The following TRIQK variants were observed in gnomAD, a reference collection of about 807,000 sequenced individuals.
The protein encoded by TRIQK is triple QxxK/R motif containing.
Under a neutral mutation model 10.8 loss-of-function variants are expected in TRIQK, and 10 were observed. The observed-to-expected ratio is 0.92, with a 90% CI of 0.57 to 1.57. The LOEUF (loss-of-function observed/expected upper bound fraction) is 1.57, where lower values mean the gene tolerates loss of function less well. TRIQK is among the 40% of genes most tolerant of loss of function. TRIQK has a pLI of 0.00. For missense variants in TRIQK, 107 were observed against 97.7 expected, an observed-to-expected ratio of 1.09 and a Z score of -0.40; for synonymous variants, 33 against 33.7, an observed-to-expected ratio of 0.98 and a Z score of 0.07.
At chr8:93,010,987 C>T (rs1327825097) in intron 1 of TRIQK, among the ~76,000 whole-genome samples, 2 of 152,060 alleles carry the variant, frequency 1.3e-5, no homozygotes, top group African/African-American at 2.4e-5. Context: ...AAATTCCACA[C>T]GCACTTTGAA....
intron 1 of TRIQK, among the ~76,000 whole-genome samples, chr8:92,964,460 A>C (rs1324163468): frequency 1.6e-5 from 2 of 122,086 alleles, no homozygotes; most frequent in Non-Finnish European, 3.7e-5. Flanking sequence ...GTATATATAT[A>C]TATCTATATA....
At chr8:92,895,426 T>G (rs1305737356) in intron 3 of TRIQK, among the ~76,000 whole-genome samples, 3 of 152,078 alleles carry the variant, frequency 2.0e-5, no homozygotes, top group Non-Finnish European at 4.4e-5. Flanking sequence ...AGGGGCTGGA[T>G]GAATTTGAAA....
At chr8:92,895,933 G>A (rs1034404319) in intron 3 of TRIQK, among the ~76,000 whole-genome samples, 1 of 152,072 alleles carries the variant, frequency 6.6e-6, no homozygotes, top group Admixed American at 6.6e-5. Flanking sequence ...TAAAAAAAAA[G>A]TGTGCTGAGG....
intron 1 of TRIQK, among the ~76,000 whole-genome samples, chr8:93,005,181 C>G (rs1359224644): frequency 6.6e-6 from 1 of 152,222 alleles, no homozygotes; most frequent in Non-Finnish European, 1.5e-5. Context: ...CACATTTCCA[C>G]AGGCAGTACA....
chr8:92,933,451 T>C (rs563750667), intron 2 of TRIQK, among the ~76,000 whole-genome samples: 3 of 152,078 alleles, frequency 2.0e-5, no homozygotes, highest in South Asian at 4.2e-4. Flanking sequence ...CCCATAGAGG[T>C]CTATCACCTT....
At position 92,891,751 on chromosome 8, in the gene TRIQK, G is replaced by C. The variant is rs201313050; in HGVS notation, c.147+238C>G. On this transcript the variant is annotated intron_variant, in intron 4 of 4. Coordinates refer to ENST00000521988, the MANE Select transcript of TRIQK (RefSeq NM_001171797.2). ...ATAGTAGCTAGAGAGAAAATAAATT[G>C]CACCTTTAAGTATAACTGATTCTCT... 1.9e-4 allele frequency among the ~76,000 whole-genome samples: 29 copies of C among 151,944 alleles called. No individual in the cohort carries two copies. The East Asian group carries it at 4.5e-3, about 23-fold the overall frequency.
At chr8:92,949,711 G>C (rs541707099) in intron 2 of TRIQK, among the ~76,000 whole-genome samples, 1 of 90,398 alleles carries the variant, frequency 1.1e-5, no homozygotes, top group South Asian at 3.7e-4. Context: ...GAGAAAGGAA[G>C]GGAGGGAGGG....
intron 1 of TRIQK, among the ~76,000 whole-genome samples, chr8:93,004,814 A>G (rs1158184962): frequency 4.6e-5 from 7 of 152,232 alleles, no homozygotes; most frequent in African/African-American, 1.7e-4. Flanking sequence ...CCTCATTGCT[A>G]AAGCATAGCA....
At chr8:92,989,229 C>A (rs563324898) in intron 1 of TRIQK, among the ~76,000 whole-genome samples, 85 of 152,248 alleles carry the variant, frequency 5.6e-4, no homozygotes, top group African/African-American at 2.0e-3. Context: ...TAACACTAAA[C>A]CATAGAAGAA....
chr8:92,979,935 C>A (rs1251421123), intron 1 of TRIQK, among the ~76,000 whole-genome samples: 1 of 151,994 alleles, frequency 6.6e-6, no homozygotes, highest in Admixed American at 6.6e-5. Flanking sequence ...TTCCCTTTAA[C>A]TGTATATATC....
At chr8:92,888,732 C>T (rs1816608925) in intron 4 of TRIQK, among the ~76,000 whole-genome samples, 1 of 151,558 alleles carries the variant, frequency 6.6e-6, no homozygotes, top group Non-Finnish European at 1.5e-5. Flanking sequence ...CAAGCTGGCT[C>T]ATCCCAAGGG....
At chr8:92,991,391 G>T (rs1294568133) in intron 1 of TRIQK, among the ~76,000 whole-genome samples, 1 of 152,212 alleles carries the variant, frequency 6.6e-6, no homozygotes, top group Non-Finnish European at 1.5e-5. Flanking sequence ...CCAGTACAGT[G>T]CTTGAGCTCT....
intron 2 of TRIQK, among the ~76,000 whole-genome samples, chr8:92,952,257 C>G (rs1811949240): frequency 6.6e-6 from 1 of 151,928 alleles, no homozygotes; most frequent in African/African-American, 2.4e-5. Flanking sequence ...ACATGGAAAT[C>G]TTAAGAAGGA....
intron 2 of TRIQK, among the ~76,000 whole-genome samples, chr8:92,947,789 A>T (rs566170920): frequency 6.6e-6 from 1 of 152,240 alleles, no homozygotes; most frequent in South Asian, 2.1e-4. Flanking sequence ...TGGTTTACCA[A>T]ATAGAGCAGT....
intron 1 of TRIQK, among the ~76,000 whole-genome samples, chr8:92,991,307 G>A (rs1423852102): frequency 6.6e-6 from 1 of 152,174 alleles, no homozygotes; most frequent in Non-Finnish European, 1.5e-5. Flanking sequence ...CCTGGGAGAG[G>A]GGGTGGCTGT....
At chr8:92,941,413 A>G (rs1353873256) in intron 2 of TRIQK, 1 of 152,196 alleles carries the variant, frequency 6.6e-6, no homozygotes, top group African/African-American at 2.4e-5. Flanking sequence ...GACAAATAAA[A>G]ACACATCAAA....
chr8:92,912,754 T>C (rs1433962500), intron 3 of TRIQK, among the ~76,000 whole-genome samples: 1 of 151,708 alleles, frequency 6.6e-6, no homozygotes, highest in Non-Finnish European at 1.5e-5. Context: ...TTCCTAAAAA[T>C]ATGCAACCAA....
intron 2 of TRIQK, chr8:92,941,119 T>G (rs1020376518): frequency 6.6e-6 from 1 of 152,208 alleles, no homozygotes; most frequent in Non-Finnish European, 1.5e-5. Flanking sequence ...CAGGCTGAAG[T>G]CCAGTGGCGT....
intron 1 of TRIQK, chr8:92,973,351 A>G (rs1298286738): frequency 2.6e-5 from 4 of 152,216 alleles, no homozygotes; most frequent in Non-Finnish European, 5.9e-5. Context: ...AACAGTAGCA[A>G]TCACACTTAT....
Sources: allele counts gnomAD v4.1 joint callset (sites outside exome capture counted in the v4.1 genomes callset), GRCh38; gene constraint gnomAD v4.1.1; transcripts MANE v1.5; gene names NCBI Gene and HGNC (gene_info 2026-07-23, HGNC 2026-07-21).